The following PTGFR variants were observed in gnomAD, a reference collection of about 807,000 sequenced individuals.
PTGFR encodes prostaglandin F receptor.
A neutral mutation model predicts 26.2 loss-of-function variants in PTGFR; 15 were observed. The observed-to-expected ratio is 0.57, with a 90% CI of 0.38 to 0.88. PTGFR has a LOEUF of 0.88. Ranked by LOEUF, PTGFR falls within the 40% of genes least tolerant of loss-of-function variation. PTGFR has a pLI of 0.00. For synonymous variants in PTGFR, 165 were observed against 151.1 expected (o/e 1.09, Z -0.68); for missense variants, 369 against 427.2 (o/e 0.86, Z 1.20).
At chr1:78,514,150 G>T (rs1229846649) in intron 2 of PTGFR, among the ~76,000 whole-genome samples, 6 of 152,128 alleles carry the variant, frequency 3.9e-5, no homozygotes, top group African/African-American at 1.4e-4. Flanking sequence ...GTGGGGAGGG[G>T]GCCACCATCC....
Position 78,499,650 on chromosome 1 carries a change from A to G in PTGFR, c.798+6109A>G, listed in dbSNP as rs540158582. Among the ~76,000 whole-genome samples, 39 of 152,330 alleles carry G rather than the reference A, an allele frequency of 2.6e-4. 1 individual carries two copies. The South Asian group carries it at 7.5e-3, about 29-fold the overall frequency. On this transcript the variant is annotated intron_variant, in intron 2 of 2. Transcript: ENST00000370757. ...TCTGAGAGGGAGAAATTCTGTGTTCAGGAGTTCCCTAAGAATGTAAGTTGG... is the reference window on the plus strand; with the variant it reads ...TCTGAGAGGGAGAAATTCTGTGTTCGGGAGTTCCCTAAGAATGTAAGTTGG...
chr1:78,501,736 G>A (rs1169317035), intron 2 of PTGFR, among the ~76,000 whole-genome samples: 1 of 152,122 alleles, frequency 6.6e-6, no homozygotes, highest in African/African-American at 2.4e-5. Flanking sequence ...GTTATTCAGA[G>A]TATAGGCGGG....
chr1:78,497,895 G>T, intron 2 of PTGFR: 1 of 1,592,884 alleles, frequency 6.3e-7, no homozygotes, highest in South Asian at 1.1e-5. Flanking sequence ...AATTTTGAAT[G>T]GGAAAGAGAA....
At chr1:78,527,912 T>C (rs1272934525) in intron 2 of PTGFR, among the ~76,000 whole-genome samples, 1 of 152,078 alleles carries the variant, frequency 6.6e-6, no homozygotes, top group Non-Finnish European at 1.5e-5. Context: ...ACAAAATCTT[T>C]TTCTTGATGG....
At chr1:78,531,925 A>C (rs2100400035) in intron 2 of PTGFR, among the ~76,000 whole-genome samples, 1 of 152,220 alleles carries the variant, frequency 6.6e-6, no homozygotes, top group South Asian at 2.1e-4. Flanking sequence ...TATTATACTG[A>C]TATTATGTTT....
intron 2 of PTGFR, among the ~76,000 whole-genome samples, chr1:78,523,174 T>C (rs1179125424): frequency 1.3e-5 from 2 of 152,096 alleles, no homozygotes; most frequent in Non-Finnish European, 2.9e-5. Context: ...TACACTGAGA[T>C]GAACAACTTG....
chr1:78,503,771 G>T (rs1256140269), intron 2 of PTGFR, among the ~76,000 whole-genome samples: 1 of 152,120 alleles, frequency 6.6e-6, no homozygotes, highest in African/African-American at 2.4e-5. Context: ...GGAGGTAATG[G>T]CTTAGTAATA....
intron 2 of PTGFR, chr1:78,497,750 C>T: frequency 1.5e-6 from 1 of 678,682 alleles, no homozygotes; most frequent in Non-Finnish European, 2.6e-6. Context: ...AACAGCCAAG[C>T]AGACTCTGAA....
rs763865084 is a variant in PTGFR, at chr1:78,492,905, A to C, written c.162A>C (p.Ala54=). The change falls in exon 2 of 3, where the codon GCA becomes GCC. Residue 54 remains alanine (A), a synonymous_variant. Transcript: ENST00000370757. ...NSLAIAILMK[A]YQRFRQKSKA... ...TTGCCATCGCCATTCTCATGAAGGCATATCAGAGATTTAGACAGAAGTCCA... is the reference window on the plus strand; with the variant it reads ...TTGCCATCGCCATTCTCATGAAGGCCTATCAGAGATTTAGACAGAAGTCCA... 2 of 1,614,246 alleles carry C rather than the reference A, an allele frequency of 1.2e-6. No homozygotes were observed. Among genetic ancestry groups the C allele is most frequent in the Non-Finnish European group, 1.7e-6 (2 of 1,180,036 alleles).
chr1:78,518,570 AC>A, intron 2 of PTGFR, among the ~76,000 whole-genome samples: 1 of 176 alleles, frequency 5.7e-3, no homozygotes, highest in Non-Finnish European at 0.014. Flanking sequence ...TATAAAAGAC[AC>A]ACACACACAC....
rs575056887 is a variant in PTGFR, at chr1:78,511,899, T to G, written c.798+18358T>G. On this transcript the variant is annotated intron_variant, in intron 2 of 2. Coordinates refer to ENST00000370757, the MANE Select transcript of PTGFR (RefSeq NM_000959.4). The stretch of plus-strand genomic sequence containing the variant: ...CATCTTGAACACTTTGCCGCTTGCT[T>G]CTTCTGCCAGATATCCCAGGTCATT... 1.4e-4 allele frequency among the ~76,000 whole-genome samples: 22 copies of G among 152,166 alleles called. No individual in the cohort carries two copies. The East Asian group carries it at 4.3e-3, about 29-fold the overall frequency.
intron 2 of PTGFR, among the ~76,000 whole-genome samples, chr1:78,530,375 C>G (rs1020667032): frequency 6.6e-6 from 1 of 152,080 alleles, no homozygotes; most frequent in South Asian, 2.1e-4. Flanking sequence ...CCAGTTCCTA[C>G]TTTTTTAAAA....
intron 2 of PTGFR, among the ~76,000 whole-genome samples, chr1:78,507,868 G>A (rs185555382): frequency 6.6e-5 from 10 of 152,210 alleles, no homozygotes; most frequent in African/African-American, 2.4e-4. Flanking sequence ...ACTTATCTTG[G>A]TCAATAGTTT....
chr1:78,524,697 T>G (rs976283196), intron 2 of PTGFR, among the ~76,000 whole-genome samples: 2 of 152,044 alleles, frequency 1.3e-5, no homozygotes, highest in Non-Finnish European at 2.9e-5. Context: ...GCTACGATAC[T>G]AAATGGCTAT....
intron 2 of PTGFR, among the ~76,000 whole-genome samples, chr1:78,526,043 T>C (rs1335213574): frequency 1.3e-5 from 2 of 152,078 alleles, no homozygotes; most frequent in Non-Finnish European, 2.9e-5. Context: ...TTGATTTTGG[T>C]TGATTGCTGA....
intron 2 of PTGFR, among the ~76,000 whole-genome samples, chr1:78,500,846 C>T (rs773549807): frequency 1.3e-5 from 2 of 152,160 alleles, no homozygotes; most frequent in Non-Finnish European, 2.9e-5. Context: ...CTATCTCCCT[C>T]CATAAAAGTG....
At chr1:78,499,009 G>A (rs1258080410) in intron 2 of PTGFR, among the ~76,000 whole-genome samples, 7 of 152,106 alleles carry the variant, frequency 4.6e-5, no homozygotes, top group Admixed American at 6.6e-5. Context: ...TTAGAGATAC[G>A]TTAATGTAGT....
At chr1:78,495,465 G>T (rs1649524325) in intron 2 of PTGFR, among the ~76,000 whole-genome samples, 1 of 152,178 alleles carries the variant, frequency 6.6e-6, no homozygotes, top group East Asian at 1.9e-4. Flanking sequence ...TGAATTTGGG[G>T]TTGGTGAAAG....
intron 2 of PTGFR, among the ~76,000 whole-genome samples, chr1:78,501,357 A>G (rs186097013): frequency 6.6e-6 from 1 of 152,202 alleles, no homozygotes; most frequent in African/African-American, 2.4e-5. Context: ...AACCTGATAC[A>G]TCAGTGTCAT....
Sources: gnomAD v4.1 joint callset for allele counts (sites outside exome capture counted in the v4.1 genomes callset) on GRCh38, gnomAD v4.1.1 for gene constraint, MANE v1.5 for transcripts, NCBI Gene and HGNC (gene_info 2026-07-23, HGNC 2026-07-21) for gene names.